RP1: variants seen among roughly 807,000 people sequenced by gnomAD.
RP1 encodes the protein oxygen-regulated protein 1.
A neutral mutation model predicts 14.8 loss-of-function variants in RP1; 16 were observed. The observed-to-expected ratio is 1.08, with a 90% CI of 0.73 to 1.65. RP1 has a LOEUF of 1.65. Among genes scored for constraint, RP1 ranks in the 40% most tolerant of loss-of-function variants. The probability of loss-of-function intolerance (pLI) is 0.00; values close to 1 mark genes in which losing one functional copy is unlikely to be tolerated. For missense variants in RP1, 2,631 were observed against 2,535.0 expected (o/e 1.04, Z -0.81); for synonymous variants, 876 against 883.6 (o/e 0.99, Z 0.15).
intron 6 of RP1, among the ~76,000 whole-genome samples, chr8:54,659,582 G>A (rs976820089): frequency 6.6e-6 from 1 of 152,036 alleles, no homozygotes. Flanking sequence ...TATTCTATTA[G>A]TCTGTCTATC....
intron 24 of RP1, among the ~76,000 whole-genome samples, chr8:54,830,758 G>A (rs1811499742): frequency 6.6e-6 from 1 of 152,110 alleles, no homozygotes; most frequent in Admixed American, 6.5e-5. Flanking sequence ...GTGGCAGTTA[G>A]TACATTTAGT....
chr8:54,814,018 G>A (rs1257106563), intron 24 of RP1, among the ~76,000 whole-genome samples: 6 of 152,156 alleles, frequency 3.9e-5, no homozygotes, highest in Admixed American at 3.9e-4. Flanking sequence ...GGAGAATTAT[G>A]TGTATCTCAT....
intron 24 of RP1, among the ~76,000 whole-genome samples, chr8:54,792,815 G>T (rs886395241): frequency 1.3e-5 from 2 of 151,272 alleles, no homozygotes; most frequent in African/African-American, 4.8e-5. Context: ...TCCAAAGTTA[G>T]CAGAAAGAAG....
chr8:54,820,727 C>A (rs1269646422), intron 24 of RP1, among the ~76,000 whole-genome samples: 1 of 152,124 alleles, frequency 6.6e-6, no homozygotes, highest in African/African-American at 2.4e-5. Context: ...GATCTTAAAA[C>A]CAGGTACTGC....
intron 6 of RP1, among the ~76,000 whole-genome samples, chr8:54,660,083 G>A (rs1806852992): frequency 6.6e-6 from 1 of 151,862 alleles, no homozygotes; most frequent in Non-Finnish European, 1.5e-5. Context: ...AATTTTTTTT[G>A]TGTGGAGGCT....
At chr8:54,660,808 AAT>A (rs1311465697) in intron 6 of RP1, among the ~76,000 whole-genome samples, 3 of 152,104 alleles carry the variant, frequency 2.0e-5, no homozygotes, top group African/African-American at 4.8e-5. Context: ...ACCCTGGGTA[AAT>A]ATGTCAATTA....
At chr8:54,614,717 A>G (rs1805674727), upstream of RP1, among the ~76,000 whole-genome samples, 1 of 152,142 alleles carries the variant, frequency 6.6e-6, no homozygotes, top group Non-Finnish European at 1.5e-5. Context: ...TATGTAAGAA[A>G]TGTTATCTTT....
intron 3 of RP1, among the ~76,000 whole-genome samples, chr8:54,641,519 G>A (rs887120012): frequency 6.6e-6 from 1 of 151,350 alleles, no homozygotes; most frequent in African/African-American, 2.4e-5. Context: ...TTTTTTTTCT[G>A]TTATTGCCTC....
chr8:54,601,140 C>T (rs1805273273), intron 1 of RP1, among the ~76,000 whole-genome samples: 1 of 152,138 alleles, frequency 6.6e-6, no homozygotes, highest in South Asian at 2.1e-4. Context: ...ACATGACCTA[C>T]AAGTAACTTG....
At chr8:54,810,230 G>T (rs1402687751) in intron 24 of RP1, among the ~76,000 whole-genome samples, 16 of 152,168 alleles carry the variant, frequency 1.1e-4, no homozygotes, top group Admixed American at 9.8e-4. Context: ...AGAGTACCCT[G>T]CTTCTCATAA....
In RP1 at chr8:54,672,853, G is replaced by A. The variant is rs749669882; in HGVS notation, c.1324-997G>A. The stretch of plus-strand genomic sequence containing the variant: ...GTATGTCAGCATATTTTCATTATGC[G>A]TTTCTTCTCTTTTCCTTAGAGTTCT... On this transcript the variant is annotated intron_variant, in intron 7 of 22. Transcript: ENST00000636932. Among the ~76,000 whole-genome samples, 143 of 151,954 alleles carry A rather than the reference G, an allele frequency of 9.4e-4. 4 individuals are homozygous for A. The highest frequency in any genetic ancestry group is 4.6e-4 in the Admixed American group (7 of 15,230).
chr8:54,625,483 A>G lies in RP1; in HGVS notation c.1601A>G (p.Lys534Arg), dbSNP rs2129316192. Residue 534 changes from lysine (K) to arginine (R), a missense_variant, in exon 4 of 4, where the codon AAA becomes AGA. Coordinates refer to ENST00000220676, the MANE Select transcript of RP1 (RefSeq NM_006269.2). ...ATGGAGGAGTCATCATTAGAAAGAA[A>G]AAAGGAAAACAGTCTGCTTAAGTCA... ...DQMEESSLERKKENSLLKSSA... is the reference protein window; with the variant it reads ...DQMEESSLERRKENSLLKSSA... 2.5e-6 allele frequency: 4 copies of G among 1,614,054 alleles called. No homozygotes were observed. Among genetic ancestry groups the G allele is most frequent in the Admixed American group, 1.7e-5 (1 of 60,028 alleles).
At chr8:54,694,158 A>T (rs1448400396) in intron 12 of RP1, among the ~76,000 whole-genome samples, 1 of 152,184 alleles carries the variant, frequency 6.6e-6, no homozygotes, top group Admixed American at 6.6e-5. Context: ...CTTGCATCCC[A>T]GGGATGAAGC....
At chr8:54,743,000 A>G (rs1809135630) in intron 19 of RP1, among the ~76,000 whole-genome samples, 1 of 152,192 alleles carries the variant, frequency 6.6e-6, no homozygotes. Context: ...TTCTGTGAAG[A>G]GTAAAGTGGG....
chr8:54,816,700 A>C (rs559939679), intron 24 of RP1, among the ~76,000 whole-genome samples: 1 of 152,314 alleles, frequency 6.6e-6, no homozygotes, highest in African/African-American at 2.4e-5. Context: ...TCTTTTGCAG[A>C]ACAGTCAAGG....
At chr8:54,635,115 TA>T (rs746036614), downstream of RP1, among the ~76,000 whole-genome samples, 25 of 152,214 alleles carry the variant, frequency 1.6e-4, no homozygotes, top group African/African-American at 2.6e-4. Context: ...ATACAATGAT[TA>T]TTTTTTTATC....
At chr8:54,749,941 G>A (rs931342668) in intron 19 of RP1, among the ~76,000 whole-genome samples, 2 of 151,902 alleles carry the variant, frequency 1.3e-5, no homozygotes, top group Non-Finnish European at 2.9e-5. Flanking sequence ...TTCATGGAGG[G>A]GCCCAGGAGA....
chr8:54,838,262 T>C (rs1811708779), intron 25 of RP1, among the ~76,000 whole-genome samples: 1 of 152,242 alleles, frequency 6.6e-6, no homozygotes, highest in Non-Finnish European at 1.5e-5. Context: ...ATTCCTTTAC[T>C]GAGTATTTTT....
At chr8:54,586,557 T>A (rs773867798) in intron 1 of RP1, among the ~76,000 whole-genome samples, 12 of 152,186 alleles carry the variant, frequency 7.9e-5, no homozygotes, top group Non-Finnish European at 1.8e-4. Context: ...TGCATAGGTT[T>A]CTCCTGCCTT....
Sources: allele counts gnomAD v4.1 joint callset (sites outside exome capture counted in the v4.1 genomes callset), GRCh38; gene constraint gnomAD v4.1.1; transcripts MANE v1.5; gene names NCBI Gene and HGNC (gene_info 2026-07-23, HGNC 2026-07-21).